The following ANK3 variants were observed in gnomAD, a reference collection of about 807,000 sequenced individuals.
The protein encoded by ANK3 is ankyrin 3, also known as ankyrin-3.
Under a neutral mutation model 370.9 loss-of-function variants are expected in ANK3, and 57 were observed. That is an observed-to-expected ratio of 0.15 (90% CI 0.12 to 0.19). The LOEUF (loss-of-function observed/expected upper bound fraction) is 0.19. Ranked by LOEUF, ANK3 falls within the 10% of genes least tolerant of loss-of-function variation. The pLI is 1.00. For missense variants in ANK3, 4,439 were observed against 5,302.1 expected, an observed-to-expected ratio of 0.84 and a Z score of 5.06; for synonymous variants, 1,929 against 1,946.3, an observed-to-expected ratio of 0.99 and a Z score of 0.23.
At chr10:60,337,130 C>G (rs2053176872) in intron 1 of ANK3, among the ~76,000 whole-genome samples, 1 of 152,066 alleles carries the variant, frequency 6.6e-6, no homozygotes, top group African/African-American at 2.4e-5. Flanking sequence ...GGGACACTAA[C>G]AGATGGTTTA....
chr10:60,334,616 A>C (rs1465313649), intron 1 of ANK3, among the ~76,000 whole-genome samples: 1 of 152,206 alleles, frequency 6.6e-6, no homozygotes, highest in African/African-American at 2.4e-5. Context: ...GTGGCCTTGC[A>C]TAACTTCGCA....
intron 2 of ANK3, among the ~76,000 whole-genome samples, chr10:60,551,264 C>A (rs2077082095): frequency 6.6e-6 from 1 of 152,014 alleles, no homozygotes; most frequent in Non-Finnish European, 1.5e-5. Context: ...CAAAGAACAA[C>A]TGTTTTAAAA....
intron 1 of ANK3, among the ~76,000 whole-genome samples, chr10:60,341,737 T>C (rs985208061): frequency 2.0e-5 from 3 of 152,166 alleles, no homozygotes; most frequent in African/African-American, 7.2e-5. Flanking sequence ...GAGTGATTGG[T>C]TTTTGAATGA....
At chr10:60,625,846 A>G (rs2078402653) in intron 1 of ANK3, among the ~76,000 whole-genome samples, 1 of 152,188 alleles carries the variant, frequency 6.6e-6, no homozygotes, top group Non-Finnish European at 1.5e-5. Context: ...GGATATTTTG[A>G]CCCTAAAAAC....
intron 1 of ANK3, among the ~76,000 whole-genome samples, chr10:60,728,863 G>T (rs1323530209): frequency 6.6e-6 from 1 of 152,114 alleles, no homozygotes; most frequent in Non-Finnish European, 1.5e-5. Flanking sequence ...AAATGCCAGG[G>T]GTGGTGGGTA....
intron 1 of ANK3, among the ~76,000 whole-genome samples, chr10:60,628,788 T>G (rs750268931): frequency 1.3e-5 from 2 of 152,234 alleles, no homozygotes. Context: ...GCTGACTTGT[T>G]GTCATAACAC....
chr10:60,220,925 C>T (rs2097041089), intron 8 of ANK3, among the ~76,000 whole-genome samples: 1 of 152,190 alleles, frequency 6.6e-6, no homozygotes, highest in Non-Finnish European at 1.5e-5. Context: ...ATTTTAGCTG[C>T]ACTCATTCAT....
chr10:60,126,858 T>C (rs1371395373), intron 25 of ANK3, among the ~76,000 whole-genome samples: 2 of 152,222 alleles, frequency 1.3e-5, no homozygotes, highest in East Asian at 1.9e-4. Context: ...AGACGTTTTA[T>C]GTTCCCATTG....
intron 7 of ANK3, among the ~76,000 whole-genome samples, chr10:60,252,219 G>A (rs1269098883): frequency 6.6e-6 from 1 of 152,118 alleles, no homozygotes; most frequent in Admixed American, 6.5e-5. Flanking sequence ...CAAACCACCA[G>A]AGGAAGAAGA....
intron 25 of ANK3, among the ~76,000 whole-genome samples, chr10:60,132,765 C>T (rs530785852): frequency 3.3e-5 from 5 of 151,986 alleles, no homozygotes; most frequent in South Asian, 2.1e-4. Flanking sequence ...TACAGATGCC[C>T]ACCACGACAC....
At chr10:60,295,898 T>A (rs2042395854) in intron 1 of ANK3, among the ~76,000 whole-genome samples, 1 of 151,986 alleles carries the variant, frequency 6.6e-6, no homozygotes, top group East Asian at 1.9e-4. Context: ...GTTTTACGAG[T>A]CTGCAAATCT....
At chr10:60,166,740 A>AT in intron 22 of ANK3, 84 bp downstream of exon 22, 1 of 1,584,416 alleles carries the variant, frequency 6.3e-7, no homozygotes, top group South Asian at 1.1e-5. Flanking sequence ...CCTGATAAAC[A>AT]TTTTTGCAAT....
intron 1 of ANK3, among the ~76,000 whole-genome samples, chr10:60,310,008 C>T (rs1372342197): frequency 6.6e-6 from 1 of 151,092 alleles, no homozygotes; most frequent in Non-Finnish European, 1.5e-5. Flanking sequence ...TCACTGTAAC[C>T]TCAAACTCTT....
Position 60,069,689 on chromosome 10 carries a change from A to G in ANK3, c.11192T>C (p.Met3731Thr), listed in dbSNP as rs2082330856. 6.2e-7 allele frequency: 1 copy of G among 1,613,942 alleles called. No individual in the cohort carries two copies. Among genetic ancestry groups the G allele is most frequent in the Non-Finnish European group, 8.5e-7 (1 of 1,179,980 alleles). The stretch of plus-strand genomic sequence containing the variant: ...TCCAGGGCCTTCTTTCTTCATGGTC[A>G]TGGTGGATGCAGAAATTCCCATTTT... ...PIKMGISASTMTMKKEGPGEI... is the reference protein window; with the variant it reads ...PIKMGISASTTTMKKEGPGEI... Residue 3731 changes from methionine to threonine, a missense_variant, in exon 37 of 44, where the codon ATG becomes ACG. Met to Thr is a moderately conservative substitution (Grantham distance 81). This residue lies in a region of ANK3 where 496 missense variants were observed against 529.3 expected (regional missense o/e 0.94). Coordinates refer to ENST00000280772, the MANE Select transcript of ANK3 (RefSeq NM_020987.5).
At chr10:60,488,521 A>T (rs1036356668) in intron 2 of ANK3, among the ~76,000 whole-genome samples, 1 of 152,138 alleles carries the variant, frequency 6.6e-6, no homozygotes, top group African/African-American at 2.4e-5. Context: ...AGAATATTTT[A>T]TCACCCCCAA....
chr10:60,575,906 A>G (rs1190833697), intron 2 of ANK3, among the ~76,000 whole-genome samples: 1 of 152,218 alleles, frequency 6.6e-6, no homozygotes, highest in Non-Finnish European at 1.5e-5. Flanking sequence ...AGAAATAATG[A>G]TTGTTTTAAT....
At chr10:60,365,171 A>G (rs897276628) in intron 1 of ANK3, among the ~76,000 whole-genome samples, 8 of 147,356 alleles carry the variant, frequency 5.4e-5, no homozygotes, top group Non-Finnish European at 1.1e-4. Context: ...TATATTAGCA[A>G]GATATTCTTT....
intron 1 of ANK3, among the ~76,000 whole-genome samples, chr10:60,310,390 C>T (rs1192540413): frequency 2.0e-5 from 3 of 152,112 alleles, no homozygotes; most frequent in Non-Finnish European, 4.4e-5. Context: ...AAGGAACAAA[C>T]TTAGATCCTA....
chr10:60,031,461 G>A (rs557843001), intron 43 of ANK3, among the ~76,000 whole-genome samples: 1 of 152,132 alleles, frequency 6.6e-6, no homozygotes, highest in Admixed American at 6.5e-5. Context: ...ATAAAACAAA[G>A]TTCTTCCCAT....
Sources: gnomAD v4.1 joint callset for allele counts (sites outside exome capture counted in the v4.1 genomes callset) on GRCh38, gnomAD v4.1.1 for gene constraint, gnomAD v4.1.1 regional missense constraint, MANE v1.5 for transcripts, NCBI Gene and HGNC (gene_info 2026-07-23, HGNC 2026-07-21) for gene names.